Variants in GRIK2 observed in about 807,000 individuals in gnomAD.
GRIK2 encodes glutamate ionotropic receptor kainate type subunit 2, also known as glutamate receptor ionotropic, kainate 2.
In GRIK2, 32 loss-of-function variants were observed where a neutral mutation model predicts 100.3. The observed-to-expected ratio is 0.32, with a 90% CI of 0.24 to 0.43. The LOEUF is 0.43. Ranked by LOEUF, GRIK2 falls within the 20% of genes least tolerant of loss-of-function variation. GRIK2 has a pLI of 1.00. For synonymous variants in GRIK2, 417 were observed against 389.4 expected (o/e 1.07, Z -0.83); for missense variants, 843 against 1,114.9 (o/e 0.76, Z 3.47).
chr6:102,002,992 A>AT (rs1355028452), intron 14 of GRIK2, among the ~76,000 whole-genome samples: 1 of 151,194 alleles, frequency 6.6e-6, no homozygotes, highest in Non-Finnish European at 1.5e-5. Flanking sequence ...GGATTCTTTG[A>AT]TTTTAATTGT....
At chr6:101,579,274 G>A (rs576854062) in intron 2 of GRIK2, among the ~76,000 whole-genome samples, 11 of 152,224 alleles carry the variant, frequency 7.2e-5, no homozygotes, top group African/African-American at 2.6e-4. Flanking sequence ...GATTCAAAAT[G>A]AAGGTTGTAT....
chr6:101,956,561 T>C (rs962305628), intron 14 of GRIK2, among the ~76,000 whole-genome samples: 3 of 151,880 alleles, frequency 2.0e-5, no homozygotes, highest in Non-Finnish European at 4.4e-5. Flanking sequence ...ATAGCTCCGG[T>C]GTCTATTATT....
chr6:101,923,869 C>T (rs1436360470), intron 12 of GRIK2, among the ~76,000 whole-genome samples: 2 of 142,844 alleles, frequency 1.4e-5, no homozygotes, highest in African/African-American at 5.3e-5. Flanking sequence ...TGCAGTGAGC[C>T]GAGATTGTGC....
chr6:101,546,321 C>T (rs1378630181), intron 2 of GRIK2, among the ~76,000 whole-genome samples: 1 of 152,186 alleles, frequency 6.6e-6, no homozygotes, highest in Admixed American at 6.5e-5. Flanking sequence ...ATTTTAAGCA[C>T]TGCTTAATAA....
At chr6:102,002,249 A>C (rs1234433338) in intron 14 of GRIK2, among the ~76,000 whole-genome samples, 1 of 149,330 alleles carries the variant, frequency 6.7e-6, no homozygotes, top group Non-Finnish European at 1.5e-5. Context: ...TTTAAGCTAA[A>C]TGCCTGGATT....
chr6:101,633,504 A>G (rs796135781), intron 4 of GRIK2, among the ~76,000 whole-genome samples: 87 of 152,300 alleles, frequency 5.7e-4, no homozygotes, highest in African/African-American at 1.6e-3. Flanking sequence ...TAGAGGAAAC[A>G]TAACAAGAAT....
intron 9 of GRIK2, among the ~76,000 whole-genome samples, chr6:101,807,279 C>T (rs979530261): frequency 6.6e-6 from 1 of 151,864 alleles, no homozygotes; most frequent in African/African-American, 2.4e-5. Context: ...ACCCTGAAGT[C>T]GGAAATTGTA....
At chr6:101,535,372 T>G (rs1775639531) in intron 2 of GRIK2, among the ~76,000 whole-genome samples, 1 of 151,788 alleles carries the variant, frequency 6.6e-6, no homozygotes, top group Non-Finnish European at 1.5e-5. Context: ...TTGTACCACA[T>G]GAAAATGAAA....
rs949933028 is a variant in GRIK2 at position 101,873,694 on chromosome 6, T to A, written c.1524+14201T>A. Among the ~76,000 whole-genome samples, 132 of 152,162 alleles carry A rather than the reference T, an allele frequency of 8.7e-4. 1 individual carries two copies. Among genetic ancestry groups the A allele is most frequent in the South Asian group, 2.7e-3 (13 of 4,812 alleles). ...ACACTGTCTTCCACAATGGTTGAAC[T>A]AGTTTACAGTCCCACCAACAGTGTA... On this transcript the variant is annotated intron_variant, in intron 11 of 16. Coordinates refer to ENST00000369134, the MANE Select transcript of GRIK2 (RefSeq NM_021956.5).
chr6:101,495,705 C>A (rs1773407207), intron 2 of GRIK2, among the ~76,000 whole-genome samples: 1 of 152,014 alleles, frequency 6.6e-6, no homozygotes, highest in Non-Finnish European at 1.5e-5. Flanking sequence ...GCTTCTGATT[C>A]ATGTCAAGTT....
At chr6:101,670,069 T>C (rs1445022242) in intron 4 of GRIK2, among the ~76,000 whole-genome samples, 1 of 152,088 alleles carries the variant, frequency 6.6e-6, no homozygotes, top group Non-Finnish European at 1.5e-5. Flanking sequence ...TGTTTCTGTC[T>C]GATTGAAATA....
At chr6:101,656,613 C>T (rs1434368929) in intron 4 of GRIK2, among the ~76,000 whole-genome samples, 4 of 152,048 alleles carry the variant, frequency 2.6e-5, no homozygotes, top group Non-Finnish European at 5.9e-5. Context: ...TTAAATCGCC[C>T]TTTGATAGTT....
At chr6:101,924,921 T>G (rs1283696340) in intron 13 of GRIK2, among the ~76,000 whole-genome samples, 2 of 152,192 alleles carry the variant, frequency 1.3e-5, no homozygotes, top group Non-Finnish European at 1.5e-5. Flanking sequence ...CTTTTGCAAA[T>G]CCACATAGAG....
chr6:101,435,832 A>AT (rs1375210517), intron 2 of GRIK2, among the ~76,000 whole-genome samples: 4 of 151,744 alleles, frequency 2.6e-5, no homozygotes, highest in Admixed American at 6.6e-5. Flanking sequence ...AAGTTTAATC[A>AT]TTTTTTCAGG....
At chr6:101,781,696 T>A (rs1271822819) in intron 7 of GRIK2, among the ~76,000 whole-genome samples, 1 of 152,156 alleles carries the variant, frequency 6.6e-6, no homozygotes, top group Non-Finnish European at 1.5e-5. Context: ...TTTTTAAATA[T>A]TTTAATAATA....
At chr6:102,034,508 G>T (rs1019089301) in intron 14 of GRIK2, among the ~76,000 whole-genome samples, 1 of 151,278 alleles carries the variant, frequency 6.6e-6, no homozygotes, top group South Asian at 2.1e-4. Context: ...GATGATAAGG[G>T]TTTCACAGAT....
At chr6:101,506,220 A>G (rs1774019052) in intron 2 of GRIK2, among the ~76,000 whole-genome samples, 1 of 152,104 alleles carries the variant, frequency 6.6e-6, no homozygotes, top group African/African-American at 2.4e-5. Context: ...TAAGTTAAAA[A>G]CACTGTTCAT....
intron 14 of GRIK2, among the ~76,000 whole-genome samples, chr6:101,946,506 G>C (rs1265281886): frequency 7.1e-6 from 1 of 140,420 alleles, no homozygotes; most frequent in Non-Finnish European, 1.6e-5. Flanking sequence ...ACTTAGTCTT[G>C]GATTGCTGTT....
At chr6:101,886,484 T>G (rs1326413867) in intron 11 of GRIK2, among the ~76,000 whole-genome samples, 3 of 151,994 alleles carry the variant, frequency 2.0e-5, no homozygotes, top group Non-Finnish European at 4.4e-5. Flanking sequence ...TTTTAAGCAA[T>G]GCTAAATAAA....
Sources: gnomAD v4.1 joint callset for allele counts (sites outside exome capture counted in the v4.1 genomes callset) on GRCh38, gnomAD v4.1.1 for gene constraint, MANE v1.5 for transcripts, NCBI Gene and HGNC (gene_info 2026-07-23, HGNC 2026-07-21) for gene names.